SYNE2: variants seen among roughly 807,000 people sequenced by gnomAD.
The protein encoded by SYNE2 is nesprin-2.
Under a neutral mutation model 856.3 loss-of-function variants are expected in SYNE2, and 431 were observed. That is an observed-to-expected ratio of 0.50 (90% confidence interval 0.47 to 0.55). The LOEUF (loss-of-function observed/expected upper bound fraction) is 0.55, where lower values mean the gene tolerates loss of function less well. Ranked by LOEUF, SYNE2 falls within the 20% of genes least tolerant of loss-of-function variation. SYNE2 has a pLI of 0.00. For missense variants in SYNE2, 8,129 were observed against 8,023.2 expected (o/e 1.01, Z -0.50); for synonymous variants, 2,923 against 2,872.3 (o/e 1.02, Z -0.56).
chr14:64,104,421 G>T (rs2097757772), intron 64 of SYNE2, among the ~76,000 whole-genome samples: 2 of 145,774 alleles, frequency 1.4e-5, no homozygotes, highest in African/African-American at 5.1e-5. Flanking sequence ...CCAATGTTCT[G>T]TCCTCTTCCT....
intron 70 of SYNE2, 58 bp from the exon 71 acceptor site, chr14:64,125,021 T>A (rs2097928637): frequency 6.2e-7 from 1 of 1,601,106 alleles, no homozygotes. Context: ...AAAAATAAAT[T>A]AATTAACATC....
intron 95 of SYNE2, among the ~76,000 whole-genome samples, chr14:64,175,952 T>C (rs1474109287): frequency 6.6e-6 from 1 of 152,240 alleles, no homozygotes; most frequent in Non-Finnish European, 1.5e-5. Context: ...ATCTGCCATG[T>C]TTGTGAAGCA....
intron 113 of SYNE2, 114 bp downstream of exon 113, chr14:64,223,494 G>A (rs1006387335): frequency 5.1e-6 from 6 of 1,167,608 alleles, no homozygotes; most frequent in Admixed American, 1.8e-5. Flanking sequence ...CAGGTGGTCC[G>A]AGTGGGGCCT....
At chr14:64,024,096 A>T in intron 38 of SYNE2, 161 bp from the exon 39 acceptor site, 1 of 644,422 alleles carries the variant, frequency 1.6e-6, no homozygotes, top group Non-Finnish European at 2.8e-6. Flanking sequence ...ATTATAAATC[A>T]TCTGCCATTG....
chr14:63,867,814 T>G (rs1895826386), intron 1 of SYNE2, among the ~76,000 whole-genome samples: 1 of 152,084 alleles, frequency 6.6e-6, no homozygotes, highest in African/African-American at 2.4e-5. Context: ...TCCCAGCCCT[T>G]TGGGAGGTTG....
chr14:64,209,795 TG>T, intron 102 of SYNE2, 146 bp from the exon 103 acceptor site: 1 of 1,194,564 alleles, frequency 8.4e-7, no homozygotes, highest in Non-Finnish European at 1.2e-6. Context: ...GTTCTGTAGC[TG>T]GCATCAGGAC....
At chr14:64,006,060 C>A (rs1031920380) in intron 30 of SYNE2, among the ~76,000 whole-genome samples, 1 of 152,130 alleles carries the variant, frequency 6.6e-6, no homozygotes, top group African/African-American at 2.4e-5. Context: ...GAGAGTGGAA[C>A]AGGGATTTTG....
intron 108 of SYNE2, among the ~76,000 whole-genome samples, chr14:64,216,712 C>G (rs2098668264): frequency 6.6e-6 from 1 of 152,206 alleles, no homozygotes; most frequent in Non-Finnish European, 1.5e-5. Flanking sequence ...CTCCTGAGCT[C>G]TCAAGCCTTT....
chr14:63,937,525 G>A (rs1555387116), intron 2 of SYNE2, among the ~76,000 whole-genome samples: 4 of 152,200 alleles, frequency 2.6e-5, no homozygotes, highest in Admixed American at 1.3e-4. Flanking sequence ...CACTTTTGCA[G>A]GTTGTTAGAT....
In SYNE2 at chr14:64,002,801, C is replaced by A; in HGVS notation, c.3868C>A (p.His1290Asn). 6.2e-7 allele frequency: 1 copy of A among 1,606,864 alleles called. No homozygotes were observed. The highest frequency in any genetic ancestry group is 8.5e-7 in the Non-Finnish European group (1 of 1,177,168). ...AGGCAACTTTGTATTAAAGGAGTTACACCCATTTGATCTACACGCAATGCA... is the reference window on the plus strand; with the variant it reads ...AGGCAACTTTGTATTAAAGGAGTTAAACCCATTTGATCTACACGCAATGCA... ...EPGNFVLKELHPFDLHAMQNI... is the reference protein window; with the variant it reads ...EPGNFVLKELNPFDLHAMQNI... Residue 1290 changes from histidine to asparagine, a missense_variant, in exon 30 of 116, where the codon CAC becomes AAC. His to Asn is a moderately conservative substitution (Grantham distance 68, BLOSUM62 1). Coordinates refer to ENST00000555002, the MANE Select transcript of SYNE2 (RefSeq NM_182914.3).
intron 1 of SYNE2, among the ~76,000 whole-genome samples, chr14:63,824,150 G>A (rs1032860823): frequency 1.3e-5 from 2 of 152,112 alleles, no homozygotes; most frequent in African/African-American, 4.8e-5. Context: ...ATCAGCCTGG[G>A]CAACATAATC....
chr14:64,170,393 G>C lies in SYNE2; in HGVS notation c.17166G>C (p.Leu5722=), dbSNP rs772625591. 3 of 1,614,180 alleles carry C rather than the reference G, an allele frequency of 1.9e-6. No homozygotes were observed. Among genetic ancestry groups the C allele is most frequent in the Non-Finnish European group, 2.5e-6 (3 of 1,180,034 alleles). ...GCTTCCTCACTGACACCAGCCACCTGCTATCTGCAGTGAAGGGCCAGGAGC... is the reference window on the plus strand; with the variant it reads ...GCTTCCTCACTGACACCAGCCACCTCCTATCTGCAGTGAAGGGCCAGGAGC... The part of the protein sequence containing the change: ...LFRFLTDTSH[L]LSAVKGQERF... The change falls in exon 94 of 116, where the codon CTG becomes CTC. Residue 5722 remains leucine (L), a synonymous_variant. Transcript: ENST00000555002.
At chr14:63,977,802 G>A in intron 12 of SYNE2, 103 bp from the exon 13 acceptor site, 2 of 837,386 alleles carry the variant, frequency 2.4e-6, no homozygotes, top group Admixed American at 3.9e-5. Context: ...AGGGTTTTAT[G>A]ATTTTTTTTT....
chr14:63,799,396 T>A (rs1888043452), intron 1 of SYNE2, among the ~76,000 whole-genome samples: 1 of 17,666 alleles, frequency 5.7e-5, no homozygotes, highest in Non-Finnish European at 1.8e-4. Context: ...GTTTTAAAAC[T>A]TTTTTTTTTT....
At chr14:63,915,690 T>C (rs1237075333) in intron 2 of SYNE2, among the ~76,000 whole-genome samples, 3 of 152,186 alleles carry the variant, frequency 2.0e-5, no homozygotes, top group South Asian at 2.1e-4. Context: ...TTTTATTTAA[T>C]GCTGTTATTG....
intron 103 of SYNE2, 53 bp downstream of exon 103, chr14:64,210,177 A>ACG: frequency 6.3e-7 from 1 of 1,589,422 alleles, no homozygotes. Flanking sequence ...GACATAACGC[A>ACG]CGATACGCAA....
chr14:63,767,251 G>A (rs531264267), intron 1 of SYNE2, among the ~76,000 whole-genome samples: 55 of 151,594 alleles, frequency 3.6e-4, no homozygotes, highest in African/African-American at 1.2e-3. Flanking sequence ...GATTTCAGGC[G>A]CCAGCCAACA....
chr14:64,043,868 G>T (rs558287184), intron 45 of SYNE2, among the ~76,000 whole-genome samples: 1 of 152,346 alleles, frequency 6.6e-6, no homozygotes, highest in East Asian at 1.9e-4. Flanking sequence ...GCCTACTGGG[G>T]CACCACCTAG....
chr14:63,785,458 AAAAAC>A (rs1188001015), intron 1 of SYNE2, among the ~76,000 whole-genome samples: 9 of 152,080 alleles, frequency 5.9e-5, no homozygotes, highest in African/African-American at 1.4e-4. Flanking sequence ...ACCCCATCTC[AAAAAC>A]AAAACAAAAC....
Sources: allele counts gnomAD v4.1 joint callset (sites outside exome capture counted in the v4.1 genomes callset), GRCh38; gene constraint gnomAD v4.1.1; transcripts MANE v1.5; gene names NCBI Gene and HGNC (gene_info 2026-07-23, HGNC 2026-07-21).